The following ZFHX4 variants were observed in gnomAD, a reference collection of about 807,000 sequenced individuals.
ZFHX4 encodes zinc finger homeobox protein 4.
ZFHX4 carries 56 observed loss-of-function variants against 267.6 expected under a neutral mutation model. The ratio of observed to expected loss-of-function variants is 0.21; its 90% CI spans 0.17 to 0.26. ZFHX4 has a LOEUF of 0.26. Among genes scored for constraint, ZFHX4 ranks in the 10% least tolerant of loss-of-function variants. The pLI, the probability that ZFHX4 is intolerant of heterozygous loss-of-function variation, is 1.00. For synonymous variants in ZFHX4, 1,778 were observed against 1,665.6 expected (o/e 1.07, Z -1.64); for missense variants, 4,332 against 4,420.0 (o/e 0.98, Z 0.56).
At chr8:76,774,680 T>TA (rs944802823) in intron 3 of ZFHX4, among the ~76,000 whole-genome samples, 1 of 152,066 alleles carries the variant, frequency 6.6e-6, no homozygotes, top group African/African-American at 2.4e-5. Context: ...TTATGATTTT[T>TA]AAAAAAGAAT....
intron 1 of ZFHX4, among the ~76,000 whole-genome samples, chr8:76,682,318 G>C (rs1807556446): frequency 6.6e-6 from 1 of 152,126 alleles, no homozygotes; most frequent in Non-Finnish European, 1.5e-5. Context: ...CAAGTTCCCC[G>C]AAGGTCGCTT....
At chr8:76,859,086 A>G (rs1303726179) in intron 10 of ZFHX4, among the ~76,000 whole-genome samples, 4 of 152,220 alleles carry the variant, frequency 2.6e-5, no homozygotes, top group African/African-American at 9.6e-5. Context: ...GTATTTATCA[A>G]CTTCTGAATT....
intron 3 of ZFHX4, among the ~76,000 whole-genome samples, chr8:76,769,326 T>C (rs1810196215): frequency 6.6e-6 from 1 of 151,980 alleles, no homozygotes. Context: ...TTAAATTGTT[T>C]TCTCTTTCTT....
At chr8:76,803,719 A>G (rs983414562) in intron 4 of ZFHX4, among the ~76,000 whole-genome samples, 2 of 152,170 alleles carry the variant, frequency 1.3e-5, no homozygotes, top group African/African-American at 4.8e-5. Flanking sequence ...GTCAATATAA[A>G]TAGGGCAAAT....
At chr8:76,697,242 G>A (rs1418069816) in intron 1 of ZFHX4, among the ~76,000 whole-genome samples, 1 of 151,640 alleles carries the variant, frequency 6.6e-6, no homozygotes, top group Non-Finnish European at 1.5e-5. Context: ...AAATATAGAC[G>A]CATGTTAAAA....
At chr8:76,763,010 A>C (rs1809957207) in intron 3 of ZFHX4, among the ~76,000 whole-genome samples, 1 of 152,216 alleles carries the variant, frequency 6.6e-6, no homozygotes, top group Admixed American at 6.5e-5. Context: ...AGAGTTTCTC[A>C]GGATTCCCCT....
chr8:76,830,866 A>G (rs915197662), intron 4 of ZFHX4, among the ~76,000 whole-genome samples: 17 of 152,220 alleles, frequency 1.1e-4, no homozygotes, highest in Admixed American at 9.8e-4. Flanking sequence ...ACAGGTCTAG[A>G]GAAAAATTGC....
At chr8:76,706,901 T>G (rs1018432282) in intron 2 of ZFHX4, among the ~76,000 whole-genome samples, 2 of 152,186 alleles carry the variant, frequency 1.3e-5, no homozygotes, top group African/African-American at 4.8e-5. Context: ...ATCAGCGAAG[T>G]TAGCAAACTT....
intron 4 of ZFHX4, among the ~76,000 whole-genome samples, chr8:76,820,779 T>C (rs1811627933): frequency 6.6e-6 from 1 of 152,220 alleles, no homozygotes; most frequent in Non-Finnish European, 1.5e-5. Flanking sequence ...ATAGCCTCCA[T>C]GATACCTACA....
chr8:76,704,707 G>A lies in ZFHX4; in HGVS notation c.619G>A (p.Ala207Thr). 6.2e-7 allele frequency: 1 copy of A among 1,613,986 alleles called. No individual in the cohort carries two copies. The highest frequency in any genetic ancestry group is 1.1e-5 in the South Asian group (1 of 91,078). ...IASSLGKPFT[A>T]DQAFPNTSAL... ...TTCATCCCTCGGGAAACCATTTACA[G>A]CCGATCAGGCTTTCCCAAATACCTC... The change falls in exon 2 of 11, where the codon GCC becomes ACC. Residue 207 changes from alanine (A) to threonine (T), a missense_variant. Physicochemically the swap from Ala to Thr is moderately conservative, Grantham distance 58. Coordinates refer to ENST00000651372, the MANE Select transcript of ZFHX4 (RefSeq NM_024721.5).
intron 4 of ZFHX4, among the ~76,000 whole-genome samples, chr8:76,799,448 A>G (rs1197719370): frequency 6.6e-6 from 1 of 152,234 alleles, no homozygotes; most frequent in African/African-American, 2.4e-5. Flanking sequence ...CAAGCCTTCA[A>G]GACGAATAAA....
intron 4 of ZFHX4, among the ~76,000 whole-genome samples, chr8:76,784,342 TA>T (rs1375059776): frequency 2.6e-5 from 4 of 151,020 alleles, no homozygotes; most frequent in South Asian, 2.1e-4. Context: ...TCAGTAAATG[TA>T]AAAAAAAAGT....
chr8:76,816,394 C>T (rs1041813323), intron 4 of ZFHX4, among the ~76,000 whole-genome samples: 7 of 152,054 alleles, frequency 4.6e-5, no homozygotes, highest in South Asian at 2.1e-4. Context: ...TCTTTTGCCT[C>T]AAGAATATTT....
chr8:76,788,865 A>G (rs1239007285), intron 4 of ZFHX4, among the ~76,000 whole-genome samples: 1 of 152,208 alleles, frequency 6.6e-6, no homozygotes, highest in African/African-American at 2.4e-5. Flanking sequence ...GATTATGGTT[A>G]CTGTGCTGCT....
intron 1 of ZFHX4, among the ~76,000 whole-genome samples, chr8:76,703,041 C>T (rs1382014836): frequency 6.6e-6 from 1 of 151,938 alleles, no homozygotes; most frequent in African/African-American, 2.4e-5. Context: ...TTCACTAGTA[C>T]TTTACCCTGC....
chr8:76,690,487 A>G (rs1807795480), intron 1 of ZFHX4, among the ~76,000 whole-genome samples: 1 of 151,990 alleles, frequency 6.6e-6, no homozygotes, highest in African/African-American at 2.4e-5. Context: ...TCATTTTTAC[A>G]TTTCCCATGG....
intron 3 of ZFHX4, among the ~76,000 whole-genome samples, chr8:76,775,895 C>CTTTTTT (rs904035424): frequency 8.2e-6 from 1 of 122,470 alleles, no homozygotes; most frequent in Non-Finnish European, 1.8e-5. Flanking sequence ...AGTAAGTTTT[C>CTTTTTT]TTTTTTTTTT....
At position 76,852,908 on chromosome 8, in the gene ZFHX4, C is replaced by A. The variant is rs1274819060; in HGVS notation, c.5987C>A (p.Ser1996Tyr). Reference protein sequence around the residue: ...REAYDKLYPISPSSPETPPPP... With the variant: ...REAYDKLYPIYPSSPETPPPP... Reference sequence around the variant, plus strand: ...GCCTATGACAAGCTTTATCCAATTTCTCCATCTTCTCCAGAAACGCCGCCC... The same window carrying A: ...GCCTATGACAAGCTTTATCCAATTTATCCATCTTCTCCAGAAACGCCGCCC... Residue 1996 changes from serine to tyrosine, a missense_variant, in exon 10 of 11, where the codon TCT becomes TAT. By Grantham distance (144) the Ser-to-Tyr change is moderately radical. Around this residue, in one of 7 missense-constraint regions of ZFHX4, gnomAD observed 1,371 missense variants for 1,423.1 expected, o/e 0.96. Transcript: ENST00000651372. 1.2e-6 allele frequency: 2 copies of A among 1,609,966 alleles called. No individual in the cohort carries two copies. The highest frequency in any genetic ancestry group is 2.7e-5 in the African/African-American group (2 of 74,838).
intron 4 of ZFHX4, among the ~76,000 whole-genome samples, chr8:76,801,500 A>T (rs1236280990): frequency 6.6e-6 from 1 of 152,170 alleles, no homozygotes; most frequent in Non-Finnish European, 1.5e-5. Flanking sequence ...TATGACATCT[A>T]ATAAAGGCCT....
Sources: gnomAD v4.1 joint callset for allele counts (sites outside exome capture counted in the v4.1 genomes callset) on GRCh38, gnomAD v4.1.1 for gene constraint, gnomAD v4.1.1 regional missense constraint, MANE v1.5 for transcripts, NCBI Gene and HGNC (gene_info 2026-07-23, HGNC 2026-07-21) for gene names.